The following CKAP5 variants were observed in gnomAD, a reference collection of about 807,000 sequenced individuals.
CKAP5 encodes the protein cytoskeleton-associated protein 5.
In CKAP5, 27 loss-of-function variants were observed where a neutral mutation model predicts 232.8. The observed-to-expected ratio is 0.12, with a 90% CI of 0.09 to 0.16. The LOEUF is 0.16. Among genes scored for constraint, CKAP5 ranks in the 10% least tolerant of loss-of-function variants. The probability of loss-of-function intolerance (pLI) is 1.00; values close to 1 mark genes in which losing one functional copy is unlikely to be tolerated. For missense variants in CKAP5, 1,838 were observed against 2,424.7 expected (o/e 0.76, Z 5.08); for synonymous variants, 785 against 841.1 (o/e 0.93, Z 1.16).
At chr11:46,752,982 G>T in intron 37 of CKAP5, 1 of 426,554 alleles carries the variant, frequency 2.3e-6, no homozygotes, top group Non-Finnish European at 4.1e-6. Flanking sequence ...AAATGTACAA[G>T]AAAAATGTAA....
chr11:46,829,819 A>G (rs1939735377), intron 1 of CKAP5, among the ~76,000 whole-genome samples: 1 of 147,644 alleles, frequency 6.8e-6, no homozygotes, highest in Non-Finnish European at 1.5e-5. Flanking sequence ...CAGTATATGA[A>G]GTCTAATTCC....
intron 24 of CKAP5, among the ~76,000 whole-genome samples, chr11:46,775,724 A>G (rs1005555058): frequency 2.6e-5 from 4 of 152,190 alleles, no homozygotes; most frequent in African/African-American, 9.7e-5. Context: ...ACATAGGAAC[A>G]GAACACCAAA....
chr11:46,752,193 T>TATATACAC (rs1408030107), intron 38 of CKAP5, among the ~76,000 whole-genome samples: 7 of 66,546 alleles, frequency 1.1e-4, no homozygotes, highest in African/African-American at 3.6e-4. Flanking sequence ...TATATATATA[T>TATATACAC]ACACACACAC....
chr11:46,789,489 T>A (rs1938647019), intron 15 of CKAP5, among the ~76,000 whole-genome samples: 1 of 152,122 alleles, frequency 6.6e-6, no homozygotes, highest in South Asian at 2.1e-4. Context: ...AGTACCATAG[T>A]TAAAAAATTA....
intron 18 of CKAP5, among the ~76,000 whole-genome samples, chr11:46,781,750 C>T (rs2134625214): frequency 6.6e-6 from 1 of 152,272 alleles, no homozygotes; most frequent in East Asian, 1.9e-4. Context: ...TAGAAAACAA[C>T]ACCATCTAAA....
rs189637231 is a variant in CKAP5 at position 46,785,276 on chromosome 11, C to T, written c.1969-603G>A. ...GTGAATATTTTAACTTTTTTTGTTA[C>T]GCCACTAGAAATCCTATTATACAGA... On this transcript the variant is annotated intron_variant, in intron 16 of 43. Coordinates refer to ENST00000529230, the MANE Select transcript of CKAP5 (RefSeq NM_001008938.4). 8.9e-4 allele frequency among the ~76,000 whole-genome samples: 136 copies of T among 152,186 alleles called. 1 individual carries two copies. The highest frequency in any genetic ancestry group is 3.1e-3 in the African/African-American group (128 of 41,524).
At chr11:46,811,659 T>C (rs539757096) in intron 4 of CKAP5, among the ~76,000 whole-genome samples, 1 of 152,178 alleles carries the variant, frequency 6.6e-6, no homozygotes, top group South Asian at 2.1e-4. Flanking sequence ...GTATTTTTAG[T>C]AGAGATGGGG....
intron 24 of CKAP5, among the ~76,000 whole-genome samples, chr11:46,773,507 C>A (rs2065267127): frequency 6.6e-6 from 1 of 151,672 alleles, no homozygotes; most frequent in African/African-American, 2.4e-5. Flanking sequence ...CCGTGGCCTC[C>A]CAAAGTGCTG....
At chr11:46,753,092 G>T in intron 37 of CKAP5, 1 of 462,142 alleles carries the variant, frequency 2.2e-6, no homozygotes, top group East Asian at 3.5e-5. Flanking sequence ...AAATACCTTT[G>T]GTCCATGATG....
rs1555160702 is a variant in CKAP5, at chr11:46,752,221, C to CAT, written c.5133+413_5133+414insAT. On this transcript the variant is annotated intron_variant, in intron 38 of 43. Coordinates refer to ENST00000529230, the MANE Select transcript of CKAP5 (RefSeq NM_001008938.4). ...ACACACACACACACACACACACACA[C>CAT]ACACACACACACGTGTATTATATAC... is the stretch of plus-strand genomic sequence containing the variant. Among the ~76,000 whole-genome samples the CAT allele has an allele frequency of 1.4e-3, 190 of 134,898 alleles. 3 individuals are homozygous for CAT. The highest frequency in any genetic ancestry group is 4.5e-3 in the African/African-American group (172 of 38,618). The allele number at this position is 134,898 out of a possible 152,430, so 88.5% of individuals were successfully genotyped here.
intron 16 of CKAP5, among the ~76,000 whole-genome samples, chr11:46,788,326 G>A (rs1278055407): frequency 5.9e-5 from 9 of 152,220 alleles, no homozygotes; most frequent in Non-Finnish European, 8.8e-5. Flanking sequence ...CGTAATCCCA[G>A]CATTTTGGGA....
At chr11:46,797,290 C>T (rs1938900053) in intron 11 of CKAP5, among the ~76,000 whole-genome samples, 1 of 152,018 alleles carries the variant, frequency 6.6e-6, no homozygotes, top group East Asian at 1.9e-4. Flanking sequence ...TTGCTTGAGC[C>T]TAGGAGGCAG....
intron 18 of CKAP5, among the ~76,000 whole-genome samples, chr11:46,782,368 T>C (rs973131000): frequency 6.6e-6 from 1 of 152,116 alleles, no homozygotes; most frequent in Non-Finnish European, 1.5e-5. Context: ...ATAAGTGACA[T>C]GCCAAGAGAT....
Position 46,789,930 on chromosome 11 carries a change from TAA to T in CKAP5, c.1875+144_1875+145del, listed in dbSNP as rs1056730977. On this transcript the variant is annotated intron_variant, in intron 15 of 43. Coordinates refer to ENST00000529230, the MANE Select transcript of CKAP5 (RefSeq NM_001008938.4). ...GCAAACACTACACAGCTACAAGAAATAAAAAGTCCCACCTCATCTTTAATGCC... is the reference window on the plus strand; with the variant it reads ...GCAAACACTACACAGCTACAAGAAATAAAGTCCCACCTCATCTTTAATGCC... 9.3e-6 allele frequency: 5 copies of T among 539,286 alleles called. No homozygotes were observed. The African/African-American group carries it at 9.3e-5, about 10-fold the overall frequency. 33.4% of individuals were successfully genotyped at this position (539,286 alleles called of 1,614,324 possible). A position where few individuals can be genotyped will look rare whatever the true frequency, so the allele number is the denominator to read the frequency against.
chr11:46,744,720 TG>T, intron 42 of CKAP5, 143 bp from the exon 43 acceptor site: 1 of 744,998 alleles, frequency 1.3e-6, no homozygotes, highest in African/African-American at 1.8e-5. Context: ...TACCTGGAGT[TG>T]GTGATAAGGG....
chr11:46,823,762 A>T (rs1939595381), intron 1 of CKAP5, among the ~76,000 whole-genome samples: 1 of 152,140 alleles, frequency 6.6e-6, no homozygotes, highest in African/African-American at 2.4e-5. Flanking sequence ...CTGGGACTAC[A>T]GGCACATGTC....
At chr11:46,784,695 A>G (rs2065375692) in intron 16 of CKAP5, 22 bp from the exon 17 acceptor site, 1 of 1,593,360 alleles carries the variant, frequency 6.3e-7, no homozygotes, top group East Asian at 2.2e-5. Flanking sequence ...TCAGTATCAT[A>G]AAGCTAAGAG....
chr11:46,833,729 G>A (rs1283621334), intron 1 of CKAP5, among the ~76,000 whole-genome samples: 6 of 151,086 alleles, frequency 4.0e-5, no homozygotes, highest in East Asian at 2.0e-4. Context: ...CGCCCGCCTC[G>A]TCCTCCCAAA....
At position 46,809,447 on chromosome 11, in the gene CKAP5, C is replaced by T. The variant is rs1939227506; in HGVS notation, c.817G>A (p.Ala273Thr). Residue 273 changes from alanine (A) to threonine (T), a missense_variant, in exon 7 of 44, where the codon GCT becomes ACT. By Grantham distance (58) the Ala-to-Thr change is moderately conservative (BLOSUM62 0). Coordinates refer to ENST00000529230, the MANE Select transcript of CKAP5 (RefSeq NM_001008938.4). ...GGAAGTTTGGAAAGGATTTCTACAG[C>T]TTCTAAAAGCTCATAAGCATCTATT... ...PQIDAYELLEAVEILSKLPKD... is the reference protein window; with the variant it reads ...PQIDAYELLETVEILSKLPKD... 3.7e-6 allele frequency: 6 copies of T among 1,613,594 alleles called. No homozygotes were observed. The highest frequency in any genetic ancestry group is 5.1e-6 in the Non-Finnish European group (6 of 1,179,734).
Sources: gnomAD v4.1 joint callset for allele counts (sites outside exome capture counted in the v4.1 genomes callset) on GRCh38, gnomAD v4.1.1 for gene constraint, MANE v1.5 for transcripts, NCBI Gene and HGNC (gene_info 2026-07-23, HGNC 2026-07-21) for gene names.